The following CSMD1 variants were observed in gnomAD, a reference collection of about 807,000 sequenced individuals.
The protein encoded by CSMD1 is CUB and Sushi multiple domains 1.
In CSMD1, 213 loss-of-function variants were observed where a neutral mutation model predicts 417.5. The ratio of observed to expected loss-of-function variants is 0.51; its 90% CI spans 0.46 to 0.57. CSMD1 has a LOEUF of 0.57. Ranked by LOEUF, CSMD1 falls within the 20% of genes least tolerant of loss-of-function variation. The pLI is 0.00. For synonymous variants in CSMD1, 2,862 were observed against 1,736.8 expected, an observed-to-expected ratio of 1.65 and a Z score of -16.11; for missense variants, 6,923 against 4,529.7, an observed-to-expected ratio of 1.53 and a Z score of -15.17.
At chr8:3,846,956 T>C (rs1243428013) in intron 5 of CSMD1, among the ~76,000 whole-genome samples, 2 of 152,200 alleles carry the variant, frequency 1.3e-5, no homozygotes, top group Non-Finnish European at 2.9e-5. Context: ...ATTACAGCCG[T>C]GAGCCACTGC....
chr8:4,194,015 T>G (rs1224738148), intron 3 of CSMD1, among the ~76,000 whole-genome samples: 1 of 152,240 alleles, frequency 6.6e-6, no homozygotes, highest in East Asian at 1.9e-4. Flanking sequence ...ATAATGTTTT[T>G]GATATTTAAG....
intron 7 of CSMD1, among the ~76,000 whole-genome samples, chr8:3,694,058 G>GGGTGTGCGT (rs1800408586): frequency 6.6e-6 from 1 of 151,532 alleles, no homozygotes; most frequent in African/African-American, 2.4e-5. Context: ...TTGTGTTAGT[G>GGGTGTGCGT]TGTGTGTGTT....
intron 3 of CSMD1, among the ~76,000 whole-genome samples, chr8:4,271,403 C>T (rs1441046421): frequency 6.6e-6 from 1 of 152,038 alleles, no homozygotes; most frequent in Non-Finnish European, 1.5e-5. Flanking sequence ...CGTAGCTTTG[C>T]CTGATGCCCT....
At chr8:4,176,867 CAAG>C (rs1190891288) in intron 3 of CSMD1, among the ~76,000 whole-genome samples, 1 of 148,246 alleles carries the variant, frequency 6.7e-6, no homozygotes, top group African/African-American at 2.5e-5. Context: ...ATCAATTCAA[CAAG>C]AAGAGCTAAC....
intron 39 of CSMD1, among the ~76,000 whole-genome samples, chr8:3,152,053 A>T (rs1290556526): frequency 6.6e-6 from 1 of 152,224 alleles, no homozygotes; most frequent in Non-Finnish European, 1.5e-5. Flanking sequence ...AGGTCATTCC[A>T]GCTGCGTCTG....
At chr8:3,018,356 G>A in intron 52 of CSMD1, 121 bp downstream of exon 52, 3 of 853,896 alleles carry the variant, frequency 3.5e-6, no homozygotes, top group East Asian at 2.6e-5. Flanking sequence ...GGGAGGTGCA[G>A]CATTTCCACC....
chr8:3,799,159 T>C (rs1315335608), intron 5 of CSMD1, among the ~76,000 whole-genome samples: 2 of 152,132 alleles, frequency 1.3e-5, no homozygotes, highest in African/African-American at 4.8e-5. Context: ...AAAAGTTTTA[T>C]AATGTATTTA....
chr8:3,257,351 C>T (rs1800730739), intron 26 of CSMD1, among the ~76,000 whole-genome samples: 1 of 152,220 alleles, frequency 6.6e-6, no homozygotes, highest in Non-Finnish European at 1.5e-5. Flanking sequence ...TTCTGAGTGC[C>T]TACTGCATGT....
chr8:4,390,655 A>C (rs1327418209), intron 3 of CSMD1, among the ~76,000 whole-genome samples: 1 of 151,964 alleles, frequency 6.6e-6, no homozygotes, highest in Non-Finnish European at 1.5e-5. Flanking sequence ...CTGGGACGAC[A>C]GGCACCCCCC....
At position 4,524,396 on chromosome 8, in the gene CSMD1, T is replaced by C. The variant is rs540939534; in HGVS notation, c.303-104331A>G. Among the ~76,000 whole-genome samples, 302 of 152,060 alleles carry C rather than the reference T, an allele frequency of 2.0e-3. 1 individual carries two copies. The highest frequency in any genetic ancestry group is 7.0e-3 in the African/African-American group (291 of 41,492). ...TCTGTTTTCAAACAATAGCAGAAAA[T>C]ATACACTAGTATTCAAGAGTTGATT... On this transcript the variant is annotated intron_variant, in intron 2 of 69. Transcript: ENST00000635120.
chr8:3,269,501 G>T (rs1029278327), intron 26 of CSMD1, among the ~76,000 whole-genome samples: 9 of 152,186 alleles, frequency 5.9e-5, no homozygotes, highest in African/African-American at 2.2e-4. Flanking sequence ...AAATGAAAAT[G>T]CACCTATTAA....
intron 3 of CSMD1, among the ~76,000 whole-genome samples, chr8:4,101,345 AG>A (rs1477232611): frequency 1.3e-5 from 2 of 152,200 alleles, no homozygotes; most frequent in Admixed American, 1.3e-4. Context: ...GCAAATGGGC[AG>A]CCCTAACCAA....
chr8:3,319,398 A>G (rs1292883472), intron 23 of CSMD1, among the ~76,000 whole-genome samples: 1 of 152,230 alleles, frequency 6.6e-6, no homozygotes, highest in Non-Finnish European at 1.5e-5. Flanking sequence ...TCAATATAAG[A>G]TTCAAATTAA....
At chr8:3,372,170 G>C (rs982620802) in intron 18 of CSMD1, among the ~76,000 whole-genome samples, 1 of 152,168 alleles carries the variant, frequency 6.6e-6, no homozygotes, top group Non-Finnish European at 1.5e-5. Context: ...CCGTACTTAG[G>C]AAGTGGTCTA....
chr8:3,162,717 CAA>C (rs568427997), intron 37 of CSMD1, among the ~76,000 whole-genome samples: 36 of 130,450 alleles, frequency 2.8e-4, no homozygotes, highest in Admixed American at 1.0e-3. Context: ...TGTTCTTCTA[CAA>C]AAAAAAAAAA....
chr8:3,421,112 T>A (rs532845055), intron 12 of CSMD1, among the ~76,000 whole-genome samples: 1 of 152,208 alleles, frequency 6.6e-6, no homozygotes, highest in South Asian at 2.1e-4. Context: ...ATTTTCAGTA[T>A]GAAAAAATGA....
intron 26 of CSMD1, among the ~76,000 whole-genome samples, chr8:3,244,134 C>T (rs1196709665): frequency 6.6e-6 from 1 of 152,144 alleles, no homozygotes; most frequent in Non-Finnish European, 1.5e-5. Context: ...CTCTGTCGTT[C>T]AACACGTGAA....
intron 5 of CSMD1, among the ~76,000 whole-genome samples, chr8:3,886,679 A>C (rs1476568855): frequency 2.6e-5 from 4 of 152,122 alleles, no homozygotes; most frequent in Non-Finnish European, 4.4e-5. Context: ...ATGATTCAAA[A>C]CCTACTACAT....
At chr8:4,117,896 G>C (rs936186902) in intron 3 of CSMD1, among the ~76,000 whole-genome samples, 2 of 140,488 alleles carry the variant, frequency 1.4e-5, no homozygotes, top group African/African-American at 5.3e-5. Context: ...GTAGAGGAAA[G>C]ACATTTAAAA....
Sources: allele counts gnomAD v4.1 joint callset (sites outside exome capture counted in the v4.1 genomes callset), GRCh38; gene constraint gnomAD v4.1.1; transcripts MANE v1.5; gene names NCBI Gene and HGNC (gene_info 2026-07-23, HGNC 2026-07-21).